The following VCP variants were observed in gnomAD, a reference collection of about 807,000 sequenced individuals.
VCP encodes the protein transitional endoplasmic reticulum ATPase.
In VCP, 6 loss-of-function variants were observed where a neutral mutation model predicts 85.7. The observed-to-expected ratio is 0.07, with a 90% confidence interval of 0.04 to 0.14. The LOEUF (loss-of-function observed/expected upper bound fraction) is 0.14. Among genes scored for constraint, VCP ranks in the 10% least tolerant of loss-of-function variants. VCP has a pLI of 1.00. For missense variants in VCP, 353 were observed against 1,043.4 expected, an observed-to-expected ratio of 0.34 and a Z score of 9.12; for synonymous variants, 384 against 367.1, an observed-to-expected ratio of 1.05 and a Z score of -0.53.
intron 9 of VCP, 53 bp from the exon 10 acceptor site, chr9:35,061,742 G>A: frequency 6.6e-7 from 1 of 1,509,118 alleles, no homozygotes; most frequent in Admixed American, 1.7e-5. Context: ...CCAGAGGTAA[G>A]AGACAGGCCT....
chr9:35,060,568 T>C, intron 12 of VCP, 43 bp from the exon 13 acceptor site: 2 of 1,599,838 alleles, frequency 1.3e-6, no homozygotes, highest in African/African-American at 1.3e-5. Context: ...CCTCCACATT[T>C]TGAAAGAAAC....
At position 35,056,962 on chromosome 9, in the gene VCP, ACC is replaced by A; in HGVS notation, c.*153_*154del. On this transcript the variant is annotated 3_prime_UTR_variant, in exon 17 of 17. Coordinates refer to ENST00000358901, the MANE Select transcript of VCP (RefSeq NM_007126.5). ...TTTGTTTTGTATTTTTGCAACAGAA[ACC>A]CCCTGTCCAGAGTCAGACTGTAGCT... 1 of 744,516 alleles carries A rather than the reference ACC, an allele frequency of 1.3e-6. No homozygotes were observed. Among genetic ancestry groups the A allele is most frequent in the Non-Finnish European group, 2.3e-6 (1 of 433,198 alleles). The allele number at this position is 744,516 out of a possible 1,614,324, so 46.1% of individuals were successfully genotyped here.
intron 2 of VCP, 33 bp from the exon 3 acceptor site, chr9:35,068,096 T>C: frequency 6.2e-7 from 1 of 1,614,064 alleles, no homozygotes; most frequent in Non-Finnish European, 8.5e-7. Flanking sequence ...TTTGGGTCAT[T>C]GGGCTGACGG....
At chr9:35,063,417 G>C (rs1023575456) in intron 6 of VCP, among the ~76,000 whole-genome samples, 1 of 152,070 alleles carries the variant, frequency 6.6e-6, no homozygotes, top group African/African-American at 2.4e-5. Context: ...ACAGACCAAG[G>C]GCCAAAGACT....
chr9:35,057,321 T>C (rs1012944816), intron 16 of VCP, 55 bp downstream of exon 16: 4 of 1,614,142 alleles, frequency 2.5e-6, no homozygotes, highest in East Asian at 2.2e-5. Flanking sequence ...CCATCCCTTT[T>C]GGTGTAGGTC....
rs371985014 is a variant in VCP at position 35,059,271 on chromosome 9, C to T, written c.2005-52G>A. Reference sequence around the variant, plus strand: ...GCATTTAGCCTCTCCTCTCGAGATACGCAGATCTTTGGGCTACCCGAGCAC... The same window carrying T: ...GCATTTAGCCTCTCCTCTCGAGATATGCAGATCTTTGGGCTACCCGAGCAC... On this transcript the variant is annotated intron_variant, in intron 14 of 16. Transcript: ENST00000358901. The surrounding 1 kb of genome is among the most constrained non-coding windows in gnomAD (Gnocchi z 4.9). 24 of 1,610,910 alleles carry T rather than the reference C, an allele frequency of 1.5e-5. No individual in the cohort carries two copies. Among genetic ancestry groups the T allele is most frequent in the South Asian group, 4.4e-5 (4 of 90,622 alleles).
chr9:35,067,861 T>A (rs763209403), intron 3 of VCP, 30 bp downstream of exon 3: 3 of 1,613,756 alleles, frequency 1.9e-6, no homozygotes, highest in South Asian at 1.1e-5. Context: ...TGGCCTCCCA[T>A]CCCTGTGAAG....
chr9:35,071,894 G>T (rs1396611998), intron 1 of VCP: 6 of 999,390 alleles, frequency 6.0e-6, no homozygotes, highest in Non-Finnish European at 7.2e-6. Context: ...CGCCCACCGG[G>T]CCCGGCTGGG....
chr9:35,070,798 C>T (rs886895289), intron 1 of VCP, among the ~76,000 whole-genome samples: 1 of 152,192 alleles, frequency 6.6e-6, no homozygotes. Context: ...CCTACCATCC[C>T]GGACTCTGGC....
Position 35,062,225 on chromosome 9 carries a change from T to G in VCP, c.937A>C (p.Arg313=), listed in dbSNP as rs777769657. 1.2e-6 allele frequency: 2 copies of G among 1,614,124 alleles called. No homozygotes were observed. Among genetic ancestry groups the G allele is most frequent in the Non-Finnish European group, 1.7e-6 (2 of 1,180,010 alleles). ...IDELDAIAPK[R]EKTHGEVERR... Reference sequence around the variant, plus strand: ...CTCAGGTAAGCTCCTACTTTCTCTCTTTTGGGAGCGATGGCATCTAGCTCA... The same window carrying G: ...CTCAGGTAAGCTCCTACTTTCTCTCGTTTGGGAGCGATGGCATCTAGCTCA... The change falls in exon 8 of 17, where the codon AGA becomes CGA. Residue 313 remains arginine, a synonymous_variant. Transcript: ENST00000358901.
At chr9:35,066,504 G>A (rs1014333984) in intron 4 of VCP, among the ~76,000 whole-genome samples, 171 bp downstream of exon 4, 4 of 151,148 alleles carry the variant, frequency 2.6e-5, no homozygotes, top group African/African-American at 9.7e-5. Flanking sequence ...TGGGATTATA[G>A]GTGTGAGCCA....
At position 35,059,513 on chromosome 9, in the gene VCP, G is replaced by A. The variant is rs765795425; in HGVS notation, c.1984C>T (p.Arg662Cys). Residue 662 changes from arginine to cysteine, a missense_variant, in exon 14 of 17, where the codon CGC (arginine) becomes TGC (cysteine). By Grantham distance (180) the Arg-to-Cys change is radical. This residue lies in a region of VCP where 93 missense variants were observed against 197.1 expected (regional missense o/e 0.47). Coordinates refer to ENST00000358901, the MANE Select transcript of VCP (RefSeq NM_007126.5). This position sits in a 1 kb window ranked among gnomAD's most constrained non-coding sequence, Gnocchi z 4.9. ...SRVAILKANL[R>C]KSPVAKDVDL... Reference sequence around the variant, plus strand: ...CCTGCCTTGGCAACTGGGGACTTGCGCAGGTTAGCCTTGAGGATGGCAACA... The same window carrying A: ...CCTGCCTTGGCAACTGGGGACTTGCACAGGTTAGCCTTGAGGATGGCAACA... 3.1e-6 allele frequency: 5 copies of A among 1,614,072 alleles called. No individual in the cohort carries two copies. Among genetic ancestry groups the A allele is most frequent in the African/African-American group, 1.3e-5 (1 of 75,022 alleles).
intron 15 of VCP, among the ~76,000 whole-genome samples, chr9:35,058,017 CAT>C (rs1206056433): frequency 6.6e-6 from 1 of 152,186 alleles, no homozygotes; most frequent in African/African-American, 2.4e-5. Flanking sequence ...CTTCCAGTGA[CAT>C]ATATACTCTT....
At chr9:35,061,853 G>T (rs1828727554) in intron 9 of VCP, 150 bp downstream of exon 9, 9 of 1,474,266 alleles carry the variant, frequency 6.1e-6, no homozygotes, top group Non-Finnish European at 8.4e-6. Context: ...AAACCAGGGT[G>T]GTTGGTCACT....
At chr9:35,070,566 T>TG (rs1317105550) in intron 1 of VCP, among the ~76,000 whole-genome samples, 4 of 152,178 alleles carry the variant, frequency 2.6e-5, no homozygotes, top group Admixed American at 6.5e-5. Flanking sequence ...CCAGAGTGGC[T>TG]GGGACTACAG....
chr9:35,059,035 G>T lies in VCP; in HGVS notation c.2160+29C>A. The T allele has an allele frequency of 6.2e-7, 1 of 1,612,938 alleles. No homozygotes were observed. ...GCTGCTGCCTGGCTCTCCATGATTG[G>T]CACATCTGGGGAAAGGATGCAGACT... On this transcript the variant is annotated intron_variant, in intron 15 of 16. Coordinates refer to ENST00000358901, the MANE Select transcript of VCP (RefSeq NM_007126.5). The surrounding 1 kb of genome is among the most constrained non-coding windows in gnomAD (Gnocchi z 4.9).
chr9:35,071,476 G>A (rs1486901301), intron 1 of VCP, among the ~76,000 whole-genome samples: 1 of 152,016 alleles, frequency 6.6e-6, no homozygotes, highest in Non-Finnish European at 1.5e-5. Flanking sequence ...GCACGTTTGT[G>A]TTTTTGAAGA....
Position 35,072,424 on chromosome 9 carries a change from G to C in VCP, c.-71C>G, listed in dbSNP as rs1301140699. ...CGGCTACGAGCGGTGGCAAGCGACC[G>C]ACTGGGCCGGGGCTCGGCTCTTCCA... On this transcript the variant is annotated 5_prime_UTR_variant, in exon 1 of 17. Coordinates refer to ENST00000358901, the MANE Select transcript of VCP (RefSeq NM_007126.5). The C allele has an allele frequency of 7.0e-7, 1 of 1,437,336 alleles. No individual in the cohort carries two copies. Among genetic ancestry groups the C allele is most frequent in the African/African-American group, 1.5e-5 (1 of 66,964 alleles). 89.0% of individuals were successfully genotyped at this position (1,437,336 alleles called of 1,614,324 possible).
chr9:35,058,375 T>C (rs1305060573), intron 15 of VCP, among the ~76,000 whole-genome samples: 2 of 152,238 alleles, frequency 1.3e-5, no homozygotes, highest in Non-Finnish European at 2.9e-5. Context: ...CTTACCTTTA[T>C]GGAACTTACA....
Sources: allele counts gnomAD v4.1 joint callset (sites outside exome capture counted in the v4.1 genomes callset), GRCh38; gene constraint gnomAD v4.1.1; regional missense constraint gnomAD v4.1.1; non-coding constraint Gnocchi (gnomAD v3.1); transcripts MANE v1.5; gene names NCBI Gene and HGNC (gene_info 2026-07-23, HGNC 2026-07-21).